The following ST8SIA1 variants were observed in gnomAD, a reference collection of about 807,000 sequenced individuals.
ST8SIA1 encodes the protein ST8 alpha-N-acetyl-neuraminide alpha-2,8-sialyltransferase 1.
In ST8SIA1, 16 loss-of-function variants were observed where a neutral mutation model predicts 35.9. That is an observed-to-expected ratio of 0.45 (90% CI 0.30 to 0.68). The LOEUF (loss-of-function observed/expected upper bound fraction) is 0.68, where lower values mean the gene tolerates loss of function less well. Among genes scored for constraint, ST8SIA1 ranks in the 30% least tolerant of loss-of-function variants. ST8SIA1 has a pLI of 0.09. For missense variants in ST8SIA1, 383 were observed against 453.6 expected (o/e 0.84, Z 1.41); for synonymous variants, 170 against 169.6 (o/e 1.00, Z -0.02).
chr12:22,233,800 C>G (rs1236994955), intron 4 of ST8SIA1, among the ~76,000 whole-genome samples: 2 of 152,196 alleles, frequency 1.3e-5, no homozygotes, highest in African/African-American at 4.8e-5. Context: ...ACTTACCTCT[C>G]AGCGTATCAG....
intron 2 of ST8SIA1, among the ~76,000 whole-genome samples, chr12:22,270,123 A>G (rs543468752): frequency 6.6e-6 from 1 of 152,218 alleles, no homozygotes; most frequent in Non-Finnish European, 1.5e-5. Context: ...AAAGGGTTAA[A>G]TTTGTAGATG....
rs1224268926 is a variant in ST8SIA1 at position 22,255,339 on chromosome 12, A to T, written c.432T>A (p.Gly144=). The change falls in exon 3 of 5, where the codon GGT becomes GGA. Residue 144 remains glycine, a synonymous_variant. Transcript: ENST00000396037. ...PLKKCAVVGN[G]GILKKSGCGR... is the part of the protein sequence containing the mutation. ...CACAGCCACTCTTCTTCAGAATCCC[A>T]CCATTTCCCACCACCGCGCATTTCT... The T allele has an allele frequency of 6.2e-7, 1 of 1,613,882 alleles. No homozygotes were observed. The highest frequency in any genetic ancestry group is 1.1e-5 in the South Asian group (1 of 91,064).
chr12:22,252,769 T>C (rs747646350), intron 3 of ST8SIA1, among the ~76,000 whole-genome samples: 5 of 152,212 alleles, frequency 3.3e-5, no homozygotes, highest in Non-Finnish European at 5.9e-5. Flanking sequence ...AAACAATAGA[T>C]AACATTCTAT....
chr12:22,249,170 A>G (rs990386160), intron 3 of ST8SIA1, 72 bp from the exon 4 acceptor site: 1 of 1,002,438 alleles, frequency 1.0e-6, no homozygotes, highest in East Asian at 2.5e-5. Context: ...TAATACAAAT[A>G]GAAATGTTAT....
Position 22,264,072 on chromosome 12 carries a change from A to G in ST8SIA1, c.382-8683T>C, listed in dbSNP as rs111911729. Among the ~76,000 whole-genome samples the G allele has an allele frequency of 9.9e-5, 15 of 152,248 alleles. 1 individual carries two copies. The highest frequency in any genetic ancestry group is 3.6e-4 in the African/African-American group (15 of 41,542). On this transcript the variant is annotated intron_variant, in intron 2 of 4. Coordinates refer to ENST00000396037, the MANE Select transcript of ST8SIA1 (RefSeq NM_003034.4). ...CACGTATCCTCCTGGACTCCCACACACAATTATGCTTCATCCACACACATA... is the reference window on the plus strand; with the variant it reads ...CACGTATCCTCCTGGACTCCCACACGCAATTATGCTTCATCCACACACATA...
At chr12:22,233,479 C>G (rs1453172833) in intron 4 of ST8SIA1, among the ~76,000 whole-genome samples, 1 of 150,806 alleles carries the variant, frequency 6.6e-6, no homozygotes, top group Non-Finnish European at 1.5e-5. Flanking sequence ...CCTTTTTTGT[C>G]TCCCCAGGAG....
chr12:22,330,850 G>A (rs1866753401), intron 1 of ST8SIA1, among the ~76,000 whole-genome samples: 1 of 152,098 alleles, frequency 6.6e-6, no homozygotes, highest in Non-Finnish European at 1.5e-5. Flanking sequence ...AAATGAAATG[G>A]GTGAGGATCT....
intron 4 of ST8SIA1, among the ~76,000 whole-genome samples, chr12:22,209,713 C>T (rs1865156840): frequency 6.6e-6 from 1 of 152,162 alleles, no homozygotes; most frequent in Non-Finnish European, 1.5e-5. Context: ...GCCTTTACTG[C>T]CACCTACTCT....
intron 2 of ST8SIA1, among the ~76,000 whole-genome samples, chr12:22,262,567 C>T (rs575079466): frequency 5.2e-4 from 79 of 152,324 alleles, no homozygotes; most frequent in African/African-American, 1.9e-3. Context: ...TCTAGAAGCA[C>T]ATGAGTTAAC....
chr12:22,216,785 T>C (rs1022917496), intron 4 of ST8SIA1, among the ~76,000 whole-genome samples: 1 of 152,200 alleles, frequency 6.6e-6, no homozygotes, highest in African/African-American at 2.4e-5. Context: ...ATGAGTGAAT[T>C]TCTAAGCATT....
At chr12:22,285,884 A>AACAAAAAAAAC (rs1231922607) in intron 2 of ST8SIA1, among the ~76,000 whole-genome samples, 1 of 150,730 alleles carries the variant, frequency 6.6e-6, no homozygotes, top group Non-Finnish European at 1.5e-5. Flanking sequence ...AAACAAAAAA[A>AACAAAAAAAAC]AAAAAAAAAA....
intron 1 of ST8SIA1, among the ~76,000 whole-genome samples, chr12:22,321,115 C>G (rs1473691864): frequency 6.6e-6 from 1 of 152,048 alleles, no homozygotes; most frequent in Admixed American, 6.5e-5. Context: ...ACACCAGGCA[C>G]TAGACACACC....
intron 4 of ST8SIA1, among the ~76,000 whole-genome samples, chr12:22,232,833 C>CAAAAAA (rs966861134): frequency 1.3e-5 from 2 of 150,340 alleles, no homozygotes; most frequent in African/African-American, 4.9e-5. Context: ...GACTCTGCCT[C>CAAAAAA]AAAAAAATAA....
intron 4 of ST8SIA1, among the ~76,000 whole-genome samples, chr12:22,212,398 G>A (rs1314414602): frequency 6.6e-6 from 1 of 152,162 alleles, no homozygotes; most frequent in Non-Finnish European, 1.5e-5. Context: ...CTGAGCAGCT[G>A]TTTGTTTACC....
intron 4 of ST8SIA1, among the ~76,000 whole-genome samples, chr12:22,230,106 A>G (rs575737266): frequency 1.1e-4 from 17 of 152,386 alleles, no homozygotes; most frequent in Non-Finnish European, 2.2e-4. Context: ...GTTCAAACAA[A>G]TAGTGTCAAG....
intron 1 of ST8SIA1, among the ~76,000 whole-genome samples, chr12:22,310,152 T>C (rs1866432290): frequency 6.6e-6 from 1 of 152,170 alleles, no homozygotes; most frequent in Non-Finnish European, 1.5e-5. Context: ...ATTAGCTGAT[T>C]ACAAATGAAA....
chr12:22,303,887 C>CACACAA (rs1555161257), intron 1 of ST8SIA1, among the ~76,000 whole-genome samples: 1 of 149,934 alleles, frequency 6.7e-6, no homozygotes, highest in Non-Finnish European at 1.5e-5. Context: ...CACACACACA[C>CACACAA]AAAAGTGGTG....
At chr12:22,299,556 G>C (rs1224230262) in intron 1 of ST8SIA1, among the ~76,000 whole-genome samples, 1 of 151,972 alleles carries the variant, frequency 6.6e-6, no homozygotes, top group Non-Finnish European at 1.5e-5. Context: ...AATCCAATAA[G>C]ATGATTTATT....
At chr12:22,267,976 G>C (rs1421920190) in intron 2 of ST8SIA1, among the ~76,000 whole-genome samples, 1 of 152,086 alleles carries the variant, frequency 6.6e-6, no homozygotes, top group Admixed American at 6.5e-5. Flanking sequence ...TGCACTTACT[G>C]TCCGTCTCAC....
Sources: allele counts gnomAD v4.1 joint callset (sites outside exome capture counted in the v4.1 genomes callset), GRCh38; gene constraint gnomAD v4.1.1; transcripts MANE v1.5; gene names NCBI Gene and HGNC (gene_info 2026-07-23, HGNC 2026-07-21).